The following SLC7A11 variants were observed in gnomAD, a reference collection of about 807,000 sequenced individuals.
SLC7A11 encodes solute carrier family 7 member 11, also known as cystine/glutamate transporter.
In SLC7A11, 35 loss-of-function variants were observed where a neutral mutation model predicts 54.5. The ratio of observed to expected loss-of-function variants is 0.64; its 90% CI spans 0.49 to 0.85. SLC7A11 has a LOEUF of 0.85. Ranked by LOEUF, SLC7A11 falls within the 40% of genes least tolerant of loss-of-function variation. The pLI, the probability that SLC7A11 is intolerant of heterozygous loss-of-function variation, is 0.00. For synonymous variants in SLC7A11, 230 were observed against 225.2 expected (o/e 1.02, Z -0.19); for missense variants, 583 against 618.1 (o/e 0.94, Z 0.60).
At chr4:138,182,856 TA>T (rs1425486452) in intron 8 of SLC7A11, among the ~76,000 whole-genome samples, 5 of 152,040 alleles carry the variant, frequency 3.3e-5, no homozygotes, top group African/African-American at 1.2e-4. Context: ...ATACTGATGG[TA>T]GGGGTGGTGA....
Position 138,170,271 on chromosome 4 carries a change from T to TATATATAC in SLC7A11, c.*1684_*1685insGTATATAT, listed in dbSNP as rs752680028. The TATATATAC allele has an allele frequency of 7.5e-4, 65 of 86,238 alleles. No individual in the cohort carries two copies. Among genetic ancestry groups the TATATATAC allele is most frequent in the African/African-American group, 1.8e-3 (42 of 23,788 alleles). 5.3% of individuals were successfully genotyped at this position (86,238 alleles called of 1,614,324 possible). On this transcript the variant is annotated 3_prime_UTR_variant, in exon 12 of 12. Transcript: ENST00000280612. The stretch of plus-strand genomic sequence containing the variant: ...GTGTGTATATATATATATATATATA[T>TATATATAC]ACACACACACACACACACACACATA...
At chr4:138,201,463 G>C (rs982661510) in intron 6 of SLC7A11, among the ~76,000 whole-genome samples, 1 of 152,094 alleles carries the variant, frequency 6.6e-6, no homozygotes, top group Admixed American at 6.6e-5. Flanking sequence ...AAAAAACTAT[G>C]AGCCTGTCTC....
Position 138,195,250 on chromosome 4 carries a change from T to A in SLC7A11, c.792-10006A>T, listed in dbSNP as rs1737102723. Among the ~76,000 whole-genome samples the A allele has an allele frequency of 1.3e-5, 2 of 152,206 alleles. 1 individual carries two copies. The highest frequency in any genetic ancestry group is 4.8e-5 in the African/African-American group (2 of 41,458). ...CGGTCACATACATTGACTGTATTAT[T>A]TCACGTAATGTCTTCATAAGTCACT... On this transcript the variant is annotated intron_variant, in intron 6 of 11. Transcript: ENST00000280612.
At position 138,201,991 on chromosome 4, in the gene SLC7A11, T is replaced by A. The variant is rs1407237330; in HGVS notation, c.791+12594A>T. Among the ~76,000 whole-genome samples the A allele has an allele frequency of 6.6e-5, 10 of 152,252 alleles. No homozygotes were observed. In the East Asian group the frequency reaches 1.9e-3, roughly 29 times the overall value. On this transcript the variant is annotated intron_variant, in intron 6 of 11. Transcript: ENST00000280612. ...AATCCTAACTAAATTATGGGGAATG[T>A]CTAATACTGAAATGTAGCAGACCCA... is the stretch of plus-strand genomic sequence containing the variant.
intron 6 of SLC7A11, among the ~76,000 whole-genome samples, chr4:138,192,085 C>T (rs920740482): frequency 2.0e-5 from 3 of 152,102 alleles, no homozygotes; most frequent in Non-Finnish European, 4.4e-5. Context: ...GATAATGCAA[C>T]ATTTCGGTAA....
intron 3 of SLC7A11, among the ~76,000 whole-genome samples, chr4:138,225,560 A>G (rs1395649427): frequency 1.3e-5 from 2 of 152,096 alleles, no homozygotes; most frequent in Non-Finnish European, 1.5e-5. Flanking sequence ...TCTCTCCCCA[A>G]TATAAGGCAC....
intron 11 of SLC7A11, among the ~76,000 whole-genome samples, chr4:138,173,749 G>A (rs577969483): frequency 6.6e-6 from 1 of 151,872 alleles, no homozygotes; most frequent in South Asian, 2.1e-4. Flanking sequence ...GCACAGTCTC[G>A]GTAAATTATA....
At chr4:138,173,319 A>G (rs1736483738) in intron 11 of SLC7A11, among the ~76,000 whole-genome samples, 3 of 152,084 alleles carry the variant, frequency 2.0e-5, no homozygotes, top group Admixed American at 2.0e-4. Flanking sequence ...CTTTCAAGCC[A>G]TATTTAATGA....
At chr4:138,213,871 T>A (rs913212148) in intron 6 of SLC7A11, among the ~76,000 whole-genome samples, 21 of 152,258 alleles carry the variant, frequency 1.4e-4, no homozygotes, top group African/African-American at 4.6e-4. Context: ...AACTTTATAA[T>A]TTAGTCTACA....
chr4:138,191,401 A>G (rs991596353), intron 6 of SLC7A11, among the ~76,000 whole-genome samples: 25 of 152,188 alleles, frequency 1.6e-4, no homozygotes, highest in Non-Finnish European at 2.2e-4. Context: ...ATAAAAGAAG[A>G]GAAGACAGAG....
chr4:138,232,622 T>A (rs1738107601), intron 2 of SLC7A11, among the ~76,000 whole-genome samples: 1 of 152,202 alleles, frequency 6.6e-6, no homozygotes, highest in Non-Finnish European at 1.5e-5. Flanking sequence ...TACTATCAAC[T>A]TTTCCCCTGC....
chr4:138,199,536 T>C (rs1737224472), intron 6 of SLC7A11, among the ~76,000 whole-genome samples: 1 of 152,058 alleles, frequency 6.6e-6, no homozygotes, highest in Admixed American at 6.6e-5. Flanking sequence ...TTATGAGAAA[T>C]ACTGAAACAG....
chr4:138,191,579 G>A (rs996416015), intron 6 of SLC7A11, among the ~76,000 whole-genome samples: 6 of 151,940 alleles, frequency 3.9e-5, no homozygotes, highest in African/African-American at 7.3e-5. Context: ...ACCACACAGA[G>A]AAATGAACTA....
At position 138,167,813 on chromosome 4, in the gene SLC7A11, G is replaced by A. The variant is rs1457901817; in HGVS notation, c.*4143C>T. 6.6e-6 allele frequency: 1 copy of A among 152,118 alleles called. No homozygotes were observed. The highest frequency in any genetic ancestry group is 1.5e-5 in the Non-Finnish European group (1 of 68,012). 9.4% of individuals were successfully genotyped at this position (152,118 alleles called of 1,614,324 possible). A position where few individuals can be genotyped will look rare whatever the true frequency, so the allele number is the denominator to read the frequency against. On this transcript the variant is annotated 3_prime_UTR_variant, in exon 12 of 12. Transcript: ENST00000280612. ...TAAAGTGAAGCAAGAATATATTCAA[G>A]TAAAATAAAATGTCTTTCATGGGCA... is the stretch of plus-strand genomic sequence containing the variant.
In SLC7A11 at chr4:138,170,179, T is replaced by C. The variant is rs1736374088; in HGVS notation, c.*1777A>G. On this transcript the variant is annotated 3_prime_UTR_variant, in exon 12 of 12. Transcript: ENST00000280612. Reference sequence around the variant, plus strand: ...AAATAACAGTTCAAAATTTCATCATTATATTACTCTCATTTGTAAGTTCCA... The same window carrying C: ...AAATAACAGTTCAAAATTTCATCATCATATTACTCTCATTTGTAAGTTCCA... The C allele has an allele frequency of 1.4e-5, 2 of 141,412 alleles. 1 individual carries two copies. 8.8% of individuals were successfully genotyped at this position (141,412 alleles called of 1,614,324 possible).
chr4:138,232,249 T>A lies in SLC7A11; in HGVS notation c.520+18A>T. 6.9e-7 allele frequency: 1 copy of A among 1,449,820 alleles called. No homozygotes were observed. The highest frequency in any genetic ancestry group is 1.1e-5 in the South Asian group (1 of 87,738). 89.8% of individuals were successfully genotyped at this position (1,449,820 alleles called of 1,614,324 possible). On this transcript the variant is annotated intron_variant, in intron 3 of 11. Transcript: ENST00000280612. ...TGTGTTGTTTTTCCTTTTTCACATA[T>A]ATAGCTATAATACTCACTTATGCCC... is the stretch of plus-strand genomic sequence containing the variant.
At chr4:138,194,609 A>T (rs56864244) in intron 6 of SLC7A11, among the ~76,000 whole-genome samples, 1 of 152,138 alleles carries the variant, frequency 6.6e-6, no homozygotes, top group Non-Finnish European at 1.5e-5. Flanking sequence ...CCCACAACCA[A>T]GAAAAATGTC....
intron 6 of SLC7A11, among the ~76,000 whole-genome samples, chr4:138,200,674 G>T (rs1482465708): frequency 6.6e-6 from 1 of 152,046 alleles, no homozygotes; most frequent in Non-Finnish European, 1.5e-5. Flanking sequence ...CATCTCTGTG[G>T]CTTCTATTTC....
chr4:138,210,537 C>T (rs1737522077), intron 6 of SLC7A11, among the ~76,000 whole-genome samples: 1 of 151,938 alleles, frequency 6.6e-6, no homozygotes, highest in Admixed American at 6.6e-5. Flanking sequence ...AGAACTTAAA[C>T]AATTCAACAA....
Sources: gnomAD v4.1 joint callset for allele counts (sites outside exome capture counted in the v4.1 genomes callset) on GRCh38, gnomAD v4.1.1 for gene constraint, MANE v1.5 for transcripts, NCBI Gene and HGNC (gene_info 2026-07-23, HGNC 2026-07-21) for gene names.